The following TNR variants were observed in gnomAD, a reference collection of about 807,000 sequenced individuals.
TNR encodes the protein tenascin R, also known as tenascin-R.
In TNR, 45 loss-of-function variants were observed where a neutral mutation model predicts 150.4. The ratio of observed to expected loss-of-function variants is 0.30; its 90% CI spans 0.24 to 0.38. The LOEUF (loss-of-function observed/expected upper bound fraction) is 0.38, where lower values mean the gene tolerates loss of function less well. Ranked by LOEUF, TNR falls within the 10% of genes least tolerant of loss-of-function variation. The pLI, the probability that TNR is intolerant of heterozygous loss-of-function variation, is 1.00. For missense variants in TNR, 1,544 were observed against 1,759.1 expected, an observed-to-expected ratio of 0.88 and a Z score of 2.19; for synonymous variants, 687 against 678.4, an observed-to-expected ratio of 1.01 and a Z score of -0.20.
rs984755787 is a variant in TNR, at chr1:175,645,647, C to G, written c.-165+97579G>C. 2.6e-5 allele frequency among the ~76,000 whole-genome samples: 4 copies of G among 152,164 alleles called. No individual in the cohort carries two copies. In the South Asian group the frequency reaches 6.2e-4, roughly 24 times the overall value. On this transcript the variant is annotated intron_variant, in intron 1 of 22. Coordinates refer to ENST00000367674, the MANE Select transcript of TNR (RefSeq NM_003285.3). ...AAAGTCATGGGCGTGATAACCAACACGACTCAGTGAAGATATTTCTGCAGG... is the reference window on the plus strand; with the variant it reads ...AAAGTCATGGGCGTGATAACCAACAGGACTCAGTGAAGATATTTCTGCAGG...
intron 1 of TNR, among the ~76,000 whole-genome samples, chr1:175,711,836 A>G (rs917436497): frequency 3.9e-5 from 6 of 152,160 alleles, no homozygotes; most frequent in South Asian, 2.1e-4. Context: ...GAGTTGGGAA[A>G]TTGTCATTTG....
At position 175,414,284 on chromosome 1, in the gene TNR, GAA is replaced by G. The variant is rs138359481; in HGVS notation, c.-63-7509_-63-7508del. ...AAAAGAGGGAAAAACAGAGAAGGAAGAAAAAAAAAAGAGAAGGTGGAGGAGAA... is the reference window on the plus strand; with the variant it reads ...AAAAGAGGGAAAAACAGAGAAGGAAGAAAAAAAAGAGAAGGTGGAGGAGAA... On this transcript the variant is annotated intron_variant, in intron 2 of 22. Coordinates refer to ENST00000367674, the MANE Select transcript of TNR (RefSeq NM_003285.3). Among the ~76,000 whole-genome samples, 14 of 145,464 alleles carry G rather than the reference GAA, an allele frequency of 9.6e-5. No homozygotes were observed. The South Asian group carries it at 3.0e-3, about 31-fold the overall frequency.
At chr1:175,355,982 T>A (rs1404325358) in intron 16 of TNR, among the ~76,000 whole-genome samples, 1 of 152,144 alleles carries the variant, frequency 6.6e-6, no homozygotes, top group Non-Finnish European at 1.5e-5. Context: ...ATGTCTACTT[T>A]CTCCTATTCA....
chr1:175,641,683 A>G (rs1664665684), intron 1 of TNR, among the ~76,000 whole-genome samples: 1 of 152,156 alleles, frequency 6.6e-6, no homozygotes, highest in Non-Finnish European at 1.5e-5. Flanking sequence ...ATAAAAAAGT[A>G]CTTTTCACTA....
rs1223763677 is a variant in TNR at position 175,315,841 on chromosome 1, TGTGTGA to T, written c.*7510_*7515del. ...GTGTGTGTGTGTGTGTGTGTGTGTG[TGTGTGA>T]ATGATTGGAAGGAGGAGCCTGTGTG... is the stretch of plus-strand genomic sequence containing the variant. On this transcript the variant is annotated 3_prime_UTR_variant, in exon 23 of 23. Coordinates refer to ENST00000367674, the MANE Select transcript of TNR (RefSeq NM_003285.3). 2 of 151,550 alleles carry T rather than the reference TGTGTGA, an allele frequency of 1.3e-5. No homozygotes were observed. The highest frequency in any genetic ancestry group is 2.5e-5 in the African/African-American group (1 of 40,624). 9.4% of individuals were successfully genotyped at this position (151,550 alleles called of 1,614,324 possible). A position where few individuals can be genotyped will look rare whatever the true frequency, so the allele number is the denominator to read the frequency against.
At chr1:175,351,328 C>T (rs1280397369) in intron 18 of TNR, among the ~76,000 whole-genome samples, 5 of 152,062 alleles carry the variant, frequency 3.3e-5, no homozygotes, top group Non-Finnish European at 7.4e-5. Flanking sequence ...GCACAGGCAA[C>T]GAGAGCTCAT....
intron 1 of TNR, among the ~76,000 whole-genome samples, chr1:175,713,836 A>T (rs1051145214): frequency 6.6e-6 from 1 of 152,242 alleles, no homozygotes; most frequent in East Asian, 1.9e-4. Flanking sequence ...TCTTCTCATT[A>T]GTTTTTCTTT....
At chr1:175,620,672 G>C (rs1663942402) in intron 1 of TNR, among the ~76,000 whole-genome samples, 1 of 152,140 alleles carries the variant, frequency 6.6e-6, no homozygotes, top group South Asian at 2.1e-4. Flanking sequence ...TGAGGACCTA[G>C]GATGCGCTCC....
intron 1 of TNR, among the ~76,000 whole-genome samples, chr1:175,676,216 A>C (rs779467819): frequency 2.0e-5 from 3 of 152,178 alleles, no homozygotes; most frequent in Non-Finnish European, 2.9e-5. Context: ...CTCAGCTACC[A>C]GTTGTCTGCA....
In TNR at chr1:175,406,266, A is replaced by G. The variant is rs761942400; in HGVS notation, c.449T>C (p.Val150Ala). Residue 150 changes from valine to alanine, a missense_variant, in exon 3 of 23, where the codon GTG becomes GCG. Transcript: ENST00000367674. ...GTTGGCGTTGCACTGGTCTCGCAGC[A>G]CCGACACCTCCCTCTCCAGCATCTC... is the stretch of plus-strand genomic sequence containing the variant. Reference protein sequence around the residue: ...RIEMLEREVSVLRDQCNANCC... With the variant: ...RIEMLEREVSALRDQCNANCC... 6.2e-7 allele frequency: 1 copy of G among 1,614,150 alleles called. No individual in the cohort carries two copies. The highest frequency in any genetic ancestry group is 1.7e-5 in the Admixed American group (1 of 60,026).
chr1:175,686,426 G>A (rs4652106), intron 1 of TNR, among the ~76,000 whole-genome samples: 24,355 of 152,054 alleles, frequency 0.16, 2,949 homozygotes, highest in East Asian at 0.58. Context: ...TAGATGAAGA[G>A]AGTTCCTGGC....
intron 1 of TNR, among the ~76,000 whole-genome samples, chr1:175,729,305 C>T (rs1667565416): frequency 6.6e-6 from 1 of 152,300 alleles, no homozygotes; most frequent in South Asian, 2.1e-4. Context: ...GCCTCCCAGC[C>T]TCATCCTCTT....
intron 1 of TNR, among the ~76,000 whole-genome samples, chr1:175,734,196 C>T (rs1196896856): frequency 6.6e-6 from 1 of 152,162 alleles, no homozygotes; most frequent in East Asian, 1.9e-4. Flanking sequence ...AACCTTGTGC[C>T]CCTGATCTCC....
chr1:175,427,100 C>T (rs1281299722), intron 2 of TNR, among the ~76,000 whole-genome samples: 1 of 150,180 alleles, frequency 6.7e-6, no homozygotes, highest in Non-Finnish European at 1.5e-5. Flanking sequence ...CTGCACAATG[C>T]CATGCATTCT....
intron 1 of TNR, among the ~76,000 whole-genome samples, chr1:175,717,828 G>A (rs757409652): frequency 1.3e-5 from 2 of 152,166 alleles, no homozygotes; most frequent in African/African-American, 4.8e-5. Context: ...CATGCAGGGT[G>A]TCCTCATGGG....
Position 175,446,808 on chromosome 1 carries a change from C to T in TNR, c.-63-40031G>A, listed in dbSNP as rs76755857. Among the ~76,000 whole-genome samples the T allele has an allele frequency of 6.0e-4, 91 of 152,180 alleles. 1 individual carries two copies. The highest frequency in any genetic ancestry group is 2.0e-3 in the African/African-American group (82 of 41,520). ...AGATAGCCTGCAGGACCAGCCACCC[C>T]GCGAGGTACTCAGGGTGTGGCTGCC... On this transcript the variant is annotated intron_variant, in intron 2 of 22. Transcript: ENST00000367674.
At chr1:175,671,957 G>A (rs1004324133) in intron 1 of TNR, among the ~76,000 whole-genome samples, 16 of 147,776 alleles carry the variant, frequency 1.1e-4, no homozygotes, top group Non-Finnish European at 2.2e-4. Flanking sequence ...GTGTTGGAGA[G>A]GGGGAAAGGA....
intron 1 of TNR, among the ~76,000 whole-genome samples, chr1:175,613,003 A>G (rs1366855095): frequency 6.6e-6 from 1 of 152,162 alleles, no homozygotes; most frequent in African/African-American, 2.4e-5. Context: ...ACCTTGAAAG[A>G]CCTTAAAAAA....
At chr1:175,732,935 G>C (rs1450279790) in intron 1 of TNR, among the ~76,000 whole-genome samples, 2 of 152,194 alleles carry the variant, frequency 1.3e-5, no homozygotes, top group Non-Finnish European at 2.9e-5. Flanking sequence ...TGAAAATAGA[G>C]GTGGAGCTAT....
Sources: gnomAD v4.1 joint callset for allele counts (sites outside exome capture counted in the v4.1 genomes callset) on GRCh38, gnomAD v4.1.1 for gene constraint, MANE v1.5 for transcripts, NCBI Gene and HGNC (gene_info 2026-07-23, HGNC 2026-07-21) for gene names.